Variants in KIAA1217 observed in about 807,000 individuals in gnomAD.
KIAA1217 encodes the protein sickle tail protein homolog.
KIAA1217 carries 88 observed loss-of-function variants against 163.9 expected under a neutral mutation model. The ratio of observed to expected loss-of-function variants is 0.54; its 90% CI spans 0.45 to 0.64. The LOEUF is 0.64. KIAA1217 is among the 30% of genes least tolerant of loss of function. The pLI is 0.00. For missense variants in KIAA1217, 2,372 were observed against 2,475.0 expected (o/e 0.96, Z 0.88); for synonymous variants, 903 against 923.1 (o/e 0.98, Z 0.39).
intron 1 of KIAA1217, among the ~76,000 whole-genome samples, chr10:23,870,594 T>C (rs1380670718): frequency 6.6e-6 from 1 of 152,126 alleles, no homozygotes; most frequent in Admixed American, 6.6e-5. Context: ...GTTTATTCTG[T>C]GCTAAGCAGG....
chr10:24,125,906 G>A lies in KIAA1217; in HGVS notation c.-170-93720G>A, dbSNP rs559894497. ...ATTTATTTTTGCTTTTGCAGAATCT[G>A]CTATTGTCTACTTGTTACCGCTTGG... On this transcript the variant is annotated intron_variant, in intron 2 of 18. Transcript: ENST00000376462. 2.6e-5 allele frequency among the ~76,000 whole-genome samples: 4 copies of A among 152,164 alleles called. No individual in the cohort carries two copies. In the South Asian group the frequency reaches 8.3e-4, roughly 32 times the overall value.
chr10:24,227,593 C>T (rs1327410048), intron 2 of KIAA1217, among the ~76,000 whole-genome samples: 5 of 151,136 alleles, frequency 3.3e-5, no homozygotes, highest in South Asian at 2.1e-4. Context: ...AGTGCAGTGG[C>T]GCAATCTTGG....
intron 2 of KIAA1217, among the ~76,000 whole-genome samples, chr10:24,363,475 TA>T (rs1201155816): frequency 2.6e-5 from 4 of 152,336 alleles, no homozygotes; most frequent in African/African-American, 9.6e-5. Context: ...GTTTAATTTT[TA>T]CAGTATTATT....
At position 24,153,591 on chromosome 10, in the gene KIAA1217, C is replaced by G. The variant is rs529732953; in HGVS notation, c.-170-66035C>G. 2.0e-5 allele frequency among the ~76,000 whole-genome samples: 3 copies of G among 152,296 alleles called. No homozygotes were observed. In the South Asian group the frequency reaches 6.2e-4, roughly 32 times the overall value. On this transcript the variant is annotated intron_variant, in intron 2 of 18. Coordinates refer to the KIAA1217 transcript ENST00000376462. ...TTTAAGCAGCCTATTATAATCCAGT[C>G]AAGGCTGAGAGTTGAATGAATTCCA...
At chr10:24,366,626 G>A (rs2050820366) in intron 2 of KIAA1217, among the ~76,000 whole-genome samples, 1 of 151,966 alleles carries the variant, frequency 6.6e-6, no homozygotes, top group Non-Finnish European at 1.5e-5. Flanking sequence ...ATTCACCTTG[G>A]GTGTGCCCTC....
chr10:24,153,244 G>A (rs2064707385), intron 2 of KIAA1217, among the ~76,000 whole-genome samples: 1 of 152,190 alleles, frequency 6.6e-6, no homozygotes, highest in Admixed American at 6.5e-5. Flanking sequence ...TACACCCTAG[G>A]ATTCACCAAC....
At chr10:24,319,299 C>T (rs2043812132) in intron 2 of KIAA1217, among the ~76,000 whole-genome samples, 1 of 145,950 alleles carries the variant, frequency 6.9e-6, no homozygotes, top group South Asian at 2.1e-4. Context: ...TCCCTTGAAC[C>T]CAGGAGGCAG....
chr10:23,884,235 T>C (rs1179781171), intron 1 of KIAA1217, among the ~76,000 whole-genome samples: 1 of 151,958 alleles, frequency 6.6e-6, no homozygotes, highest in Non-Finnish European at 1.5e-5. Flanking sequence ...CAACAATGAA[T>C]GAGAGTTCCT....
chr10:23,950,700 G>A (rs1844298666), intron 1 of KIAA1217, among the ~76,000 whole-genome samples: 1 of 152,172 alleles, frequency 6.6e-6, no homozygotes, highest in South Asian at 2.1e-4. Flanking sequence ...TCAAAACTAT[G>A]AAAAGGGATG....
intron 1 of KIAA1217, among the ~76,000 whole-genome samples, chr10:23,949,411 A>C (rs1282756190): frequency 6.6e-6 from 1 of 152,116 alleles, no homozygotes; most frequent in Non-Finnish European, 1.5e-5. Flanking sequence ...TATGTTATTT[A>C]GTTTGTAGAA....
chr10:23,759,733 C>A (rs1834152013), intron 1 of KIAA1217, among the ~76,000 whole-genome samples: 1 of 152,188 alleles, frequency 6.6e-6, no homozygotes, highest in African/African-American at 2.4e-5. Context: ...AGACTTTGGG[C>A]TGATTCATAA....
At chr10:23,753,346 C>T (rs535905520) in intron 1 of KIAA1217, among the ~76,000 whole-genome samples, 1 of 152,266 alleles carries the variant, frequency 6.6e-6, no homozygotes, top group South Asian at 2.1e-4. Flanking sequence ...AAGCTTCTAG[C>T]TGTTAATGGA....
At position 24,470,258 on chromosome 10, in the gene KIAA1217, G is replaced by A. The variant is rs140216264; in HGVS notation, c.847-2970G>A. Among the ~76,000 whole-genome samples, 24 of 152,274 alleles carry A rather than the reference G, an allele frequency of 1.6e-4. No homozygotes were observed. The East Asian group carries it at 3.7e-3, about 23-fold the overall frequency. ...TGAGAGAGGTATTTATAGAGGATCCGTGTCGCTCTCCTGCAAAACCTGTGT... is the reference window on the plus strand; with the variant it reads ...TGAGAGAGGTATTTATAGAGGATCCATGTCGCTCTCCTGCAAAACCTGTGT... On this transcript the variant is annotated intron_variant, in intron 5 of 20. Coordinates refer to ENST00000376454, the MANE Select transcript of KIAA1217 (RefSeq NM_019590.5).
chr10:23,818,000 T>TATATATATACACAC (rs1478223016), intron 1 of KIAA1217, among the ~76,000 whole-genome samples: 3 of 103,226 alleles, frequency 2.9e-5, no homozygotes, highest in Non-Finnish European at 5.7e-5. Flanking sequence ...TATATATATA[T>TATATATATACACAC]ATATATATAC....
chr10:24,039,090 C>T (rs893244298), intron 2 of KIAA1217, among the ~76,000 whole-genome samples: 1 of 152,056 alleles, frequency 6.6e-6, no homozygotes, highest in Non-Finnish European at 1.5e-5. Context: ...GGGCATTTTC[C>T]AGAAATTCTA....
At chr10:23,971,252 A>T (rs1845304610) in intron 1 of KIAA1217, among the ~76,000 whole-genome samples, 1 of 152,182 alleles carries the variant, frequency 6.6e-6, no homozygotes. Context: ...CTAGAAGGTC[A>T]TTTGCCAGTT....
At chr10:24,032,192 C>G (rs1398149732) in intron 2 of KIAA1217, among the ~76,000 whole-genome samples, 5 of 152,042 alleles carry the variant, frequency 3.3e-5, no homozygotes, top group Non-Finnish European at 7.4e-5. Flanking sequence ...ATCCCATTAC[C>G]CTTGTAAGTT....
chr10:23,775,253 A>G (rs993428981), intron 1 of KIAA1217, among the ~76,000 whole-genome samples: 4 of 152,286 alleles, frequency 2.6e-5, no homozygotes, highest in African/African-American at 7.2e-5. Flanking sequence ...AGTAGTATCA[A>G]TGGGGTTTCT....
intron 1 of KIAA1217, among the ~76,000 whole-genome samples, chr10:23,740,636 A>T (rs1039434106): frequency 6.6e-6 from 1 of 152,178 alleles, no homozygotes; most frequent in African/African-American, 2.4e-5. Flanking sequence ...CTGTGATTAC[A>T]GGCATGAGCC....
Sources: allele counts gnomAD v4.1 joint callset (sites outside exome capture counted in the v4.1 genomes callset), GRCh38; gene constraint gnomAD v4.1.1; transcripts MANE v1.5; gene names NCBI Gene and HGNC (gene_info 2026-07-23, HGNC 2026-07-21).